Variants in HNRNPM observed in about 807,000 individuals in gnomAD.
The protein encoded by HNRNPM is CEA receptor.
Under a neutral mutation model 73.1 loss-of-function variants are expected in HNRNPM, and 11 were observed. The ratio of observed to expected loss-of-function variants is 0.15; its 90% CI spans 0.09 to 0.25. The LOEUF (loss-of-function observed/expected upper bound fraction) is 0.25. Ranked by LOEUF, HNRNPM falls within the 10% of genes least tolerant of loss-of-function variation. HNRNPM has a pLI of 1.00. For synonymous variants in HNRNPM, 407 were observed against 355.2 expected, an observed-to-expected ratio of 1.15 and a Z score of -1.64; for missense variants, 789 against 1,067.9, an observed-to-expected ratio of 0.74 and a Z score of 3.64.
intron 12 of HNRNPM, among the ~76,000 whole-genome samples, chr19:8,477,342 G>A (rs1389450955): frequency 6.6e-6 from 1 of 152,144 alleles, no homozygotes; most frequent in Non-Finnish European, 1.5e-5. Context: ...TTTCCCGGCA[G>A]AAGCTAGGAC....
intron 9 of HNRNPM, among the ~76,000 whole-genome samples, chr19:8,469,847 A>C (rs1599801978): frequency 6.6e-6 from 1 of 152,218 alleles, no homozygotes; most frequent in East Asian, 1.9e-4. Flanking sequence ...ACTGAGTTGG[A>C]TGGGAGCCCA....
At position 8,468,791 on chromosome 19, in the gene HNRNPM, A is replaced by G. The variant is rs1368325462; in HGVS notation, c.852A>G (p.Pro284=). The stretch of plus-strand genomic sequence containing the variant: ...TCTTTCAGGATGAGAGGGCCTTACC[A>G]AAAGGAGATTTCTTCCCTCCTGAGC... ...MHVKMDERAL[P]KGDFFPPERP... The change falls in exon 9 of 16, where the codon CCA becomes CCG. Residue 284 remains proline, a synonymous_variant. Transcript: ENST00000325495. The G allele has an allele frequency of 2.5e-6, 4 of 1,613,658 alleles. No individual in the cohort carries two copies. Among genetic ancestry groups the G allele is most frequent in the Admixed American group, 1.7e-5 (1 of 59,994 alleles).
chr19:8,488,679 T>C lies in HNRNPM; in HGVS notation c.2030-12T>C. 2.5e-6 allele frequency: 4 copies of C among 1,606,416 alleles called. No individual in the cohort carries two copies. The highest frequency in any genetic ancestry group is 3.4e-6 in the Non-Finnish European group (4 of 1,175,060). On this transcript the variant is annotated splice_polypyrimidine_tract_variant and intron_variant, in intron 15 of 15. Coordinates refer to ENST00000325495, the MANE Select transcript of HNRNPM (RefSeq NM_005968.5). ...GGACTGAGTGTCGTCTCTTCTTCCCTCCCTGTCCTAGGCCACGTGCTGTAC... is the reference window on the plus strand; with the variant it reads ...GGACTGAGTGTCGTCTCTTCTTCCCCCCCTGTCCTAGGCCACGTGCTGTAC...
chr19:8,459,353 C>T (rs1190382620), intron 2 of HNRNPM, among the ~76,000 whole-genome samples: 4 of 152,120 alleles, frequency 2.6e-5, no homozygotes, highest in Non-Finnish European at 2.9e-5. Context: ...CTGTTATTGC[C>T]ACGCAATTGA....
In HNRNPM at chr19:8,445,082, G is replaced by A. The variant is rs1968033715; in HGVS notation, c.84G>A (p.Pro28=). 5.6e-6 allele frequency: 8 copies of A among 1,421,222 alleles called. No homozygotes were observed. The highest frequency in any genetic ancestry group is 2.9e-5 in the East Asian group (1 of 34,528). 88.0% of individuals were successfully genotyped at this position (1,421,222 alleles called of 1,614,324 possible). ...AAGAGAGCGGCGCGCCCGGCGTGCCGAGCGGCAACGGGGCTCCGGGCCCTA... is the reference window on the plus strand; with the variant it reads ...AAGAGAGCGGCGCGCCCGGCGTGCCAAGCGGCAACGGGGCTCCGGGCCCTA... ...MEEESGAPGV[P]SGNGAPGPKG... is the part of the protein sequence containing the mutation. The change falls in exon 1 of 16, where the codon CCG becomes CCA. Residue 28 remains proline, a synonymous_variant. Transcript: ENST00000325495.
intron 10 of HNRNPM, among the ~76,000 whole-genome samples, chr19:8,471,825 C>T (rs1056010328): frequency 6.6e-6 from 1 of 152,092 alleles, no homozygotes. Context: ...CCTTTGGGCC[C>T]TCCTGGTGTT....
Position 8,483,190 on chromosome 19 carries a change from A to C in HNRNPM, c.1153A>C (p.Ile385Leu), listed in dbSNP as rs1375603449. ...AAGTAATGCACTGAAGAGAGGAGAG[A>C]TCATTGCAAAGCAGGGAGGAGGTAG... ...ILSNALKRGEIIAKQGGGGGG... is the reference protein window; with the variant it reads ...ILSNALKRGELIAKQGGGGGG... Residue 385 changes from isoleucine to leucine, a missense_variant, in exon 13 of 16, where the codon ATC (isoleucine) becomes CTC (leucine). By Grantham distance (5) the Ile-to-Leu change is conservative (BLOSUM62 2). Coordinates refer to ENST00000325495, the MANE Select transcript of HNRNPM (RefSeq NM_005968.5). The C allele has an allele frequency of 6.2e-7, 1 of 1,612,816 alleles. No individual in the cohort carries two copies. The highest frequency in any genetic ancestry group is 1.7e-5 in the Admixed American group (1 of 59,662).
intron 1 of HNRNPM, among the ~76,000 whole-genome samples, chr19:8,449,114 G>A (rs1206191647): frequency 6.6e-6 from 1 of 152,190 alleles, no homozygotes; most frequent in African/African-American, 2.4e-5. Context: ...AAGAGTGATT[G>A]TTTATTCAAA....
intron 1 of HNRNPM, among the ~76,000 whole-genome samples, chr19:8,447,842 C>T (rs938212224): frequency 2.6e-5 from 4 of 152,094 alleles, no homozygotes; most frequent in Admixed American, 6.6e-5. Flanking sequence ...CTGGCTAACA[C>T]GGTGAAACCC....
chr19:8,453,424 A>C (rs1021533072), intron 1 of HNRNPM, among the ~76,000 whole-genome samples: 2 of 152,220 alleles, frequency 1.3e-5, no homozygotes, highest in South Asian at 2.1e-4. Flanking sequence ...TACAGATGGG[A>C]GTTACCACAC....
At chr19:8,487,141 A>G in intron 15 of HNRNPM, 66 bp downstream of exon 15, 2 of 1,350,684 alleles carry the variant, frequency 1.5e-6, no homozygotes, top group Non-Finnish European at 2.1e-6. Flanking sequence ...CCGAGTCAGC[A>G]GCAAAACCTC....
intron 10 of HNRNPM, among the ~76,000 whole-genome samples, chr19:8,472,090 G>T (rs113483012): frequency 6.7e-6 from 1 of 150,108 alleles, no homozygotes; most frequent in African/African-American, 2.5e-5. Flanking sequence ...AGAATTGCTT[G>T]AACCCGGGAG....
intron 12 of HNRNPM, among the ~76,000 whole-genome samples, chr19:8,482,319 T>A (rs927613086): frequency 6.6e-6 from 1 of 152,162 alleles, no homozygotes. Context: ...GTGGCTAATG[T>A]CCAAGTTGCT....
chr19:8,479,639 A>G (rs1485882475), intron 12 of HNRNPM, among the ~76,000 whole-genome samples: 3 of 150,190 alleles, frequency 2.0e-5, no homozygotes, highest in Non-Finnish European at 4.4e-5. Flanking sequence ...GTAGAGACAG[A>G]GTGTATGTTG....
intron 10 of HNRNPM, among the ~76,000 whole-genome samples, chr19:8,472,395 C>A (rs149416409): frequency 3.4e-4 from 51 of 152,104 alleles, no homozygotes; most frequent in Non-Finnish European, 6.8e-4. Flanking sequence ...TCCCTAGACT[C>A]TCTTCCAGAG....
Position 8,488,830 on chromosome 19 carries a change from C to T in HNRNPM, c.2169C>T (p.Asp723=), listed in dbSNP as rs760801677. 3 of 1,613,968 alleles carry T rather than the reference C, an allele frequency of 1.9e-6. No individual in the cohort carries two copies. Among genetic ancestry groups the T allele is most frequent in the East Asian group, 2.2e-5 (1 of 44,882 alleles). Residue 723 remains aspartate, a synonymous_variant, in exon 16 of 16, where the codon GAC becomes GAT. Coordinates refer to ENST00000325495, the MANE Select transcript of HNRNPM (RefSeq NM_005968.5). ...TGAAGCTGAGTGGCCGAGAGATTGA[C>T]GTTCGAATTGATAGAAACGCTTAAG... The part of the protein sequence containing the change: ...NGMKLSGREI[D]VRIDRNA
chr19:8,448,985 C>T (rs1968420983), intron 1 of HNRNPM, among the ~76,000 whole-genome samples: 1 of 152,176 alleles, frequency 6.6e-6, no homozygotes, highest in African/African-American at 2.4e-5. Flanking sequence ...CTCCTGACTC[C>T]CAGGCAGCTT....
intron 1 of HNRNPM, among the ~76,000 whole-genome samples, chr19:8,447,910 C>A (rs1394321308): frequency 6.6e-6 from 1 of 152,166 alleles, no homozygotes; most frequent in African/African-American, 2.4e-5. Flanking sequence ...CCTGTAGTCT[C>A]AGCCACTGGG....
chr19:8,460,187 C>T (rs1969303466), intron 2 of HNRNPM, among the ~76,000 whole-genome samples: 1 of 152,166 alleles, frequency 6.6e-6, no homozygotes, highest in African/African-American at 2.4e-5. Context: ...ACAAATTTTG[C>T]CCTCACATTC....
Sources: gnomAD v4.1 joint callset for allele counts (sites outside exome capture counted in the v4.1 genomes callset) on GRCh38, gnomAD v4.1.1 for gene constraint, MANE v1.5 for transcripts, NCBI Gene and HGNC (gene_info 2026-07-23, HGNC 2026-07-21) for gene names.